The following RAD52 variants were observed in gnomAD, a reference collection of about 807,000 sequenced individuals.
RAD52 encodes DNA repair protein RAD52 homolog.
RAD52 carries 47 observed loss-of-function variants against 55.5 expected under a neutral mutation model. That is an observed-to-expected ratio of 0.85 (90% CI 0.67 to 1.08). RAD52 has a LOEUF of 1.08. Among genes scored for constraint, RAD52 ranks in the 50% least tolerant of loss-of-function variants. RAD52 has a pLI of 0.00. For missense variants in RAD52, 468 were observed against 522.8 expected (o/e 0.90, Z 1.02); for synonymous variants, 184 against 198.9 (o/e 0.92, Z 0.63).
intron 7 of RAD52, among the ~76,000 whole-genome samples, chr12:920,768 A>G (rs1025581006): frequency 2.2e-4 from 33 of 152,234 alleles, no homozygotes; most frequent in African/African-American, 6.8e-4. Context: ...AAGGCGATAG[A>G]GTATTTGAAC....
At chr12:939,124 C>CA (rs943555922) in intron 1 of RAD52, among the ~76,000 whole-genome samples, 5 of 147,674 alleles carry the variant, frequency 3.4e-5, no homozygotes, top group African/African-American at 5.0e-5. Context: ...AGCAAAAGTA[C>CA]AAATTTATGA....
chr12:960,802 T>C (rs1958672412), intron 1 of RAD52, among the ~76,000 whole-genome samples: 1 of 152,140 alleles, frequency 6.6e-6, no homozygotes, highest in South Asian at 2.1e-4. Flanking sequence ...ATGTTACCTG[T>C]TAGGCATCCA....
rs1956194489 is a variant in RAD52, at chr12:913,330, CA to C, written c.*60del. Reference sequence around the variant, plus strand: ...CAGCAGCGATGAACAATTTCATGACCAAAAAGTAGTTTTCCAAAGTCCCTTT... The same window carrying C: ...CAGCAGCGATGAACAATTTCATGACCAAAAGTAGTTTTCCAAAGTCCCTTT... On this transcript the variant is annotated 3_prime_UTR_variant, in exon 12 of 12. Transcript: ENST00000358495. The C allele has an allele frequency of 7.8e-7, 1 of 1,278,536 alleles. No homozygotes were observed. The highest frequency in any genetic ancestry group is 1.1e-6 in the Non-Finnish European group (1 of 896,316). The allele number at this position is 1,278,536 out of a possible 1,614,324, so 79.2% of individuals were successfully genotyped here. A position where few individuals can be genotyped will look rare whatever the true frequency, so the allele number is the denominator to read the frequency against.
Position 941,170 on chromosome 12 carries a change from A to G in RAD52, c.-18-8094T>C, listed in dbSNP as rs548452934. Among the ~76,000 whole-genome samples, 7 of 152,358 alleles carry G rather than the reference A, an allele frequency of 4.6e-5. 1 individual carries two copies. The highest frequency in any genetic ancestry group is 1.7e-4 in the African/African-American group (7 of 41,600). ...AAAATAAAGAGAAAATCTTGAAAGC[A>G]GGTAGAGAATGATAACACATTACAT... On this transcript the variant is annotated intron_variant, in intron 1 of 11. Transcript: ENST00000358495.
At chr12:977,835 A>C (rs1352536171) in intron 1 of RAD52, among the ~76,000 whole-genome samples, 1 of 152,220 alleles carries the variant, frequency 6.6e-6, no homozygotes, top group Non-Finnish European at 1.5e-5. Flanking sequence ...GACTTTTATC[A>C]GTCACTAATT....
At chr12:939,085 T>TGTCTGTGTGTGTGTGTAG (rs57206780) in intron 1 of RAD52, among the ~76,000 whole-genome samples, 1 of 144,650 alleles carries the variant, frequency 6.9e-6, no homozygotes, top group Non-Finnish European at 1.5e-5. Context: ...TGTGTGTGTG[T>TGTCTGTGTGTGTGTGTAG]AGAGAGAGAG....
chr12:933,098 A>G, intron 1 of RAD52, 22 bp from the exon 2 acceptor site: 1 of 1,508,258 alleles, frequency 6.6e-7, no homozygotes. Context: ...AAAAGCGGAA[A>G]AAAAAAACAA....
intron 1 of RAD52, among the ~76,000 whole-genome samples, chr12:938,907 G>A (rs569713187): frequency 6.6e-6 from 1 of 152,134 alleles, no homozygotes; most frequent in South Asian, 2.1e-4. Flanking sequence ...GACTACAGGT[G>A]TGCACCACCA....
At chr12:972,466 A>AT (rs1462026445) in intron 1 of RAD52, among the ~76,000 whole-genome samples, 2 of 151,710 alleles carry the variant, frequency 1.3e-5, no homozygotes, top group East Asian at 3.9e-4. Flanking sequence ...AACTGTGCCC[A>AT]TTAGAAGGGT....
chr12:982,491 C>T (rs10774480), intron 1 of RAD52, among the ~76,000 whole-genome samples: 53,525 of 151,932 alleles, frequency 0.35, 11,914 homozygotes, highest in East Asian at 0.77. Context: ...TTTGAACCTG[C>T]ACTTTCCACA....
intron 2 of RAD52, among the ~76,000 whole-genome samples, 158 bp downstream of exon 2, chr12:932,817 A>T (rs199628282): frequency 1.2e-5 from 1 of 85,422 alleles, no homozygotes. Context: ...TACTGCTCAC[A>T]CACGTACTAG....
At chr12:967,065 A>G (rs1166352268) in intron 1 of RAD52, among the ~76,000 whole-genome samples, 1 of 152,030 alleles carries the variant, frequency 6.6e-6, no homozygotes, top group East Asian at 1.9e-4. Flanking sequence ...AAAATGTTTT[A>G]TTGTGAAATA....
At chr12:966,697 G>A (rs1430176187) in intron 1 of RAD52, among the ~76,000 whole-genome samples, 1 of 151,804 alleles carries the variant, frequency 6.6e-6, no homozygotes, top group Non-Finnish European at 1.5e-5. Flanking sequence ...CTTACAATCG[G>A]CTAAGTGCTA....
intron 7 of RAD52, among the ~76,000 whole-genome samples, chr12:922,376 G>C (rs1358118238): frequency 6.6e-6 from 1 of 152,032 alleles, no homozygotes; most frequent in Non-Finnish European, 1.5e-5. Context: ...ATCCCCTTCA[G>C]AATATGTCTA....
rs1958459530 is a variant in RAD52 at position 949,620 on chromosome 12, G to A, written c.-37C>T. The A allele has an allele frequency of 6.6e-6, 1 of 152,464 alleles. No individual in the cohort carries two copies. Among genetic ancestry groups the A allele is most frequent in the Non-Finnish European group, 1.5e-5 (1 of 68,270 alleles). 9.4% of individuals were successfully genotyped at this position (152,464 alleles called of 1,614,324 possible). A position where few individuals can be genotyped will look rare whatever the true frequency, so the allele number is the denominator to read the frequency against. ...CACTTACGCGCCTCGGGCAGCGCGCGGTGCACACAGGGAGCTCGATCTAGG... is the reference window on the plus strand; with the variant it reads ...CACTTACGCGCCTCGGGCAGCGCGCAGTGCACACAGGGAGCTCGATCTAGG... On this transcript the variant is annotated 5_prime_UTR_variant, in exon 1 of 12. Transcript: ENST00000358495.
upstream of RAD52, among the ~76,000 whole-genome samples, chr12:951,069 T>C (rs1321168086): frequency 6.6e-6 from 1 of 152,176 alleles, no homozygotes; most frequent in African/African-American, 2.4e-5. Flanking sequence ...AGCATTTTTA[T>C]GAACCTGTTG....
At chr12:970,967 G>C (rs1294044323) in intron 1 of RAD52, among the ~76,000 whole-genome samples, 1 of 152,096 alleles carries the variant, frequency 6.6e-6, no homozygotes, top group Non-Finnish European at 1.5e-5. Context: ...TTATATAGTA[G>C]CTGTTTCTAA....
rs780854064 is a variant in RAD52, at chr12:929,651, T to C, written c.348+168A>G. 1.9e-5 allele frequency: 15 copies of C among 794,748 alleles called. No homozygotes were observed. In the East Asian group the frequency reaches 3.6e-4, roughly 19 times the overall value. The allele number at this position is 794,748 out of a possible 1,614,324, so 49.2% of individuals were successfully genotyped here. ...CAAGAGAACAGTTTTTCCATTCTTT[T>C]AGGGAGCACATGAGCAAGAGTATTT... On this transcript the variant is annotated intron_variant, in intron 5 of 11. Coordinates refer to ENST00000358495, the MANE Select transcript of RAD52 (RefSeq NM_134424.4).
At chr12:974,152 A>G (rs973710689) in intron 1 of RAD52, 7 of 152,260 alleles carry the variant, frequency 4.6e-5, no homozygotes, top group Non-Finnish European at 7.4e-5. Context: ...AGAAATCAGA[A>G]GTTTATTTTT....
Sources: allele counts gnomAD v4.1 joint callset (sites outside exome capture counted in the v4.1 genomes callset), GRCh38; gene constraint gnomAD v4.1.1; transcripts MANE v1.5; gene names NCBI Gene and HGNC (gene_info 2026-07-23, HGNC 2026-07-21).